FAM20C: variants seen among roughly 807,000 people sequenced by gnomAD.
FAM20C encodes the protein extracellular serine/threonine protein kinase FAM20C.
Under a neutral mutation model 51.5 loss-of-function variants are expected in FAM20C, and 40 were observed. The observed-to-expected ratio is 0.78, with a 90% confidence interval of 0.60 to 1.01. The LOEUF (loss-of-function observed/expected upper bound fraction) is 1.01, where lower values mean the gene tolerates loss of function less well. Among genes scored for constraint, FAM20C ranks in the 50% least tolerant of loss-of-function variants. FAM20C has a pLI of 0.00. For synonymous variants in FAM20C, 406 were observed against 380.6 expected, an observed-to-expected ratio of 1.07 and a Z score of -0.78; for missense variants, 861 against 844.7, an observed-to-expected ratio of 1.02 and a Z score of -0.24.
intron 3 of FAM20C, among the ~76,000 whole-genome samples, chr7:240,623 G>A (rs1466390755): frequency 1.3e-5 from 2 of 152,120 alleles, no homozygotes; most frequent in African/African-American, 2.4e-5. Context: ...GACTTCTCTG[G>A]ACAATTCTTT....
intron 3 of FAM20C, among the ~76,000 whole-genome samples, chr7:226,656 G>A (rs1237113821): frequency 6.6e-6 from 1 of 152,108 alleles, no homozygotes; most frequent in Non-Finnish European, 1.5e-5. Context: ...CGACAGGCCC[G>A]AATCCGCCCG....
chr7:198,150 T>A (rs1205971171), intron 2 of FAM20C, among the ~76,000 whole-genome samples: 1 of 152,106 alleles, frequency 6.6e-6, no homozygotes, highest in Non-Finnish European at 1.5e-5. Context: ...TGGGGACCCG[T>A]CCAAGGACAG....
chr7:246,251 G>A (rs923009252), intron 3 of FAM20C, 164 bp from the exon 4 acceptor site: 19 of 634,338 alleles, frequency 3.0e-5, no homozygotes, highest in Admixed American at 7.3e-5. Flanking sequence ...CTGAGGGCCC[G>A]TCGGCAGCTG....
chr7:222,858 G>A (rs1787292959), intron 3 of FAM20C, among the ~76,000 whole-genome samples: 2 of 136,602 alleles, frequency 1.5e-5, no homozygotes, highest in African/African-American at 5.6e-5. Context: ...TCCTGTGTGG[G>A]TGCACGTGTC....
chr7:240,402 AAT>A (rs1787903328), intron 3 of FAM20C, among the ~76,000 whole-genome samples: 6 of 16,408 alleles, frequency 3.7e-4, no homozygotes, highest in East Asian at 1.6e-3. Flanking sequence ...TAATAGTGAT[AAT>A]GATGATGATG....
At chr7:229,515 A>G (rs1341945975) in intron 3 of FAM20C, 1 of 157,342 alleles carries the variant, frequency 6.4e-6, no homozygotes, top group Non-Finnish European at 1.4e-5. Context: ...CCTCACGCAA[A>G]CAGTCCAGAC....
At position 258,721 on chromosome 7, in the gene FAM20C, G is replaced by GTAC. The variant is rs1788747980; in HGVS notation, c.1505+16_1505+17insTAC. On this transcript the variant is annotated intron_variant, in intron 9 of 9. Transcript: ENST00000313766. The stretch of plus-strand genomic sequence containing the variant: ...AGTGCTGCAGGTACAGCCCCTGCCG[G>GTAC]AGCCGGCTCCAGCTCCACCCTCCTC... The GTAC allele has an allele frequency of 1.3e-6, 2 of 1,532,322 alleles. No individual in the cohort carries two copies. Among genetic ancestry groups the GTAC allele is most frequent in the Non-Finnish European group, 1.7e-6 (2 of 1,144,018 alleles). 94.9% of individuals were successfully genotyped at this position (1,532,322 alleles called of 1,614,324 possible). A position where few individuals can be genotyped will look rare whatever the true frequency, so the allele number is the denominator to read the frequency against.
chr7:194,947 T>C (rs4916970), intron 1 of FAM20C, among the ~76,000 whole-genome samples: 77,875 of 152,156 alleles, frequency 0.51, 20,244 homozygotes, highest in South Asian at 0.58. Context: ...GAGGACAGGC[T>C]GCGTGGGCGG....
At chr7:255,807 G>A in intron 5 of FAM20C, 42 bp from the exon 6 acceptor site, 4 of 1,534,544 alleles carry the variant, frequency 2.6e-6, no homozygotes, top group Non-Finnish European at 1.7e-6. Flanking sequence ...TGAGGACGCA[G>A]CCCTGTGCGG....
At chr7:240,772 T>C (rs904013966) in intron 3 of FAM20C, among the ~76,000 whole-genome samples, 20,511 of 152,166 alleles carry the variant, frequency 0.13, 2,909 homozygotes, top group African/African-American at 0.36. Flanking sequence ...TGCCACCGAT[T>C]GTGGCCCGGG....
rs531384573 is a variant in FAM20C at position 193,626 on chromosome 7, C to T, written c.427C>T (p.Pro143Ser). The T allele has an allele frequency of 1.3e-6, 2 of 1,539,328 alleles. No homozygotes were observed. The highest frequency in any genetic ancestry group is 8.7e-7 in the Non-Finnish European group (1 of 1,143,052). ...CGCGCACCGGCCGCTGCTGCGAGAC[C>T]CCGGCCCGCGTCGGTCCGAGTCGCC... is the stretch of plus-strand genomic sequence containing the variant. ...DPAHRPLLRD[P>S]GPRRSESPPG... Residue 143 changes from proline (P) to serine (S), a missense_variant, in exon 1 of 10, where the codon CCC becomes TCC. Around this residue, in one of 3 missense-constraint regions of FAM20C, gnomAD observed 561 missense variants for 499.8 expected, o/e 1.12. Coordinates refer to ENST00000313766, the MANE Select transcript of FAM20C (RefSeq NM_020223.4).
chr7:237,844 A>ATGATGGTGG (rs1583323557), intron 3 of FAM20C, among the ~76,000 whole-genome samples: 53 of 660 alleles, frequency 0.08, no homozygotes, highest in Admixed American at 0.11. Flanking sequence ...GATAGTGATG[A>ATGATGGTGG]TGNNNNNNNN....
At chr7:207,209 TATCCACTGTGAG>T (rs1786454648) in intron 2 of FAM20C, among the ~76,000 whole-genome samples, 1 of 24,546 alleles carries the variant, frequency 4.1e-5, no homozygotes, top group African/African-American at 4.3e-4. Flanking sequence ...CCCGCACACG[TATCCACTGTGAG>T]GCGTCGGTCA....
intron 3 of FAM20C, chr7:229,031 A>T (rs1019101069): frequency 8.7e-6 from 2 of 229,472 alleles, no homozygotes; most frequent in African/African-American, 5.4e-5. Context: ...CACGCACCCC[A>T]CCCCCCCACC....
In FAM20C at chr7:193,584, C is replaced by G. The variant is rs539116395; in HGVS notation, c.385C>G (p.Leu129Val). ...RALRGRDPGA[L>V]RPHDPAHRPL... ...CTTGCGGGGGCGGGATCCCGGCGCC[C>G]TAAGACCCCACGACCCCGCGCACCG... The change falls in exon 1 of 10, where the codon CTA becomes GTA. Residue 129 changes from leucine (L) to valine (V), a missense_variant. Leu to Val is a conservative substitution (Grantham distance 32). Transcript: ENST00000313766. 1 of 1,532,008 alleles carries G rather than the reference C, an allele frequency of 6.5e-7. No individual in the cohort carries two copies. The highest frequency in any genetic ancestry group is 8.8e-7 in the Non-Finnish European group (1 of 1,139,248). The allele number at this position is 1,532,008 out of a possible 1,614,324, so 94.9% of individuals were successfully genotyped here. A position where few individuals can be genotyped will look rare whatever the true frequency, so the allele number is the denominator to read the frequency against.
chr7:247,336 T>G (rs1788208543), intron 4 of FAM20C, among the ~76,000 whole-genome samples: 1 of 152,108 alleles, frequency 6.6e-6, no homozygotes, highest in Non-Finnish European at 1.5e-5. Context: ...TGAAGGACCT[T>G]GCCCTGGTGC....
At chr7:217,900 G>T (rs1304136577) in intron 3 of FAM20C, among the ~76,000 whole-genome samples, 1 of 152,146 alleles carries the variant, frequency 6.6e-6, no homozygotes, top group East Asian at 1.9e-4. Context: ...CGTTGGCTGG[G>T]AGAGGAGGTG....
At chr7:214,062 A>G (rs1414329171) in intron 3 of FAM20C, among the ~76,000 whole-genome samples, 1 of 152,210 alleles carries the variant, frequency 6.6e-6, no homozygotes, top group Non-Finnish European at 1.5e-5. Context: ...ACAGTAGCTC[A>G]CGCCTGTAAT....
At chr7:250,981 A>G (rs1583336705) in intron 5 of FAM20C, among the ~76,000 whole-genome samples, 1 of 152,228 alleles carries the variant, frequency 6.6e-6, no homozygotes, top group East Asian at 1.9e-4. Context: ...GACCGATTGA[A>G]AGAGACGGTC....
Sources: allele counts gnomAD v4.1 joint callset (sites outside exome capture counted in the v4.1 genomes callset), GRCh38; gene constraint gnomAD v4.1.1; regional missense constraint gnomAD v4.1.1; transcripts MANE v1.5; gene names NCBI Gene and HGNC (gene_info 2026-07-23, HGNC 2026-07-21).